Variants in CPQ observed in about 807,000 individuals in gnomAD.
CPQ encodes Ser-Met dipeptidase.
In CPQ, 37 loss-of-function variants were observed where a neutral mutation model predicts 45.7. That is an observed-to-expected ratio of 0.81 (90% confidence interval 0.62 to 1.07). The LOEUF (loss-of-function observed/expected upper bound fraction) is 1.07, where lower values mean the gene tolerates loss of function less well. CPQ is among the 50% of genes least tolerant of loss of function. CPQ has a pLI of 0.00. For missense variants in CPQ, 537 were observed against 572.9 expected (o/e 0.94, Z 0.64); for synonymous variants, 186 against 205.8 (o/e 0.90, Z 0.82).
At chr8:96,970,565 C>CTTT (rs34088987) in intron 5 of CPQ, among the ~76,000 whole-genome samples, 29 of 142,300 alleles carry the variant, frequency 2.0e-4, no homozygotes, top group Non-Finnish European at 3.2e-4. Context: ...GCCCAACACT[C>CTTT]TTTTTTTTTT....
At chr8:96,966,154 C>G in intron 5 of CPQ, 108 bp downstream of exon 5, 1 of 715,014 alleles carries the variant, frequency 1.4e-6, no homozygotes, top group Non-Finnish European at 2.2e-6. Flanking sequence ...TTCAAAGATC[C>G]TCTTGAGGTC....
At chr8:96,749,875 C>G (rs2130784828) in intron 1 of CPQ, among the ~76,000 whole-genome samples, 1 of 152,152 alleles carries the variant, frequency 6.6e-6, no homozygotes, top group African/African-American at 2.4e-5. Context: ...TTCCTAATGA[C>G]ATACTCTAAT....
intron 2 of CPQ, among the ~76,000 whole-genome samples, chr8:96,825,443 G>C (rs889553640): frequency 2.0e-5 from 3 of 152,122 alleles, no homozygotes; most frequent in Admixed American, 1.3e-4. Context: ...GTTTGGTAAG[G>C]TATTTGAGCT....
intron 1 of CPQ, among the ~76,000 whole-genome samples, chr8:96,726,288 T>C (rs1809838606): frequency 6.6e-6 from 1 of 152,146 alleles, no homozygotes; most frequent in African/African-American, 2.4e-5. Flanking sequence ...TATGGATTAA[T>C]TCATTCATGA....
intron 2 of CPQ, among the ~76,000 whole-genome samples, chr8:96,820,845 G>C (rs1811293217): frequency 6.6e-6 from 1 of 151,992 alleles, no homozygotes; most frequent in African/African-American, 2.4e-5. Context: ...AGAATTACTG[G>C]ATCATATGGT....
At chr8:96,992,217 G>A (rs921948157) in intron 5 of CPQ, among the ~76,000 whole-genome samples, 2 of 152,146 alleles carry the variant, frequency 1.3e-5, no homozygotes, top group Non-Finnish European at 2.9e-5. Context: ...AATTCCAATG[G>A]TACTGTACTA....
At chr8:96,905,063 A>G (rs985706657) in intron 4 of CPQ, among the ~76,000 whole-genome samples, 6 of 152,124 alleles carry the variant, frequency 3.9e-5, no homozygotes, top group Admixed American at 1.3e-4. Flanking sequence ...AAGAAGTTTA[A>G]TGGACTCTTA....
intron 6 of CPQ, among the ~76,000 whole-genome samples, chr8:97,037,229 T>A (rs1386866387): frequency 1.3e-5 from 2 of 152,238 alleles, no homozygotes; most frequent in Non-Finnish European, 2.9e-5. Flanking sequence ...TTTTGAGACT[T>A]CTTCGTGCTA....
intron 4 of CPQ, among the ~76,000 whole-genome samples, chr8:96,919,690 A>G (rs536245270): frequency 1.3e-5 from 2 of 152,308 alleles, no homozygotes; most frequent in East Asian, 3.9e-4. Flanking sequence ...TACTTCAATT[A>G]GGGAGGTTCC....
intron 6 of CPQ, 28 bp from the exon 7 acceptor site, chr8:97,065,981 G>T: frequency 6.2e-7 from 1 of 1,605,708 alleles, no homozygotes; most frequent in South Asian, 1.1e-5. Context: ...CAACAGATAA[G>T]AACCAAACAA....
chr8:96,804,828 A>G (rs916065962), intron 2 of CPQ, among the ~76,000 whole-genome samples: 1 of 151,824 alleles, frequency 6.6e-6, no homozygotes, highest in Non-Finnish European at 1.5e-5. Flanking sequence ...TTAAGTTCAC[A>G]CTGCCGTATT....
chr8:96,821,126 ATTTTT>A (rs572906188), intron 2 of CPQ, among the ~76,000 whole-genome samples: 2 of 60,934 alleles, frequency 3.3e-5, no homozygotes, highest in Non-Finnish European at 5.9e-5. Context: ...TTTAATCTGA[ATTTTT>A]TTTTTTTTTT....
At chr8:97,076,256 C>T (rs966655002) in intron 7 of CPQ, among the ~76,000 whole-genome samples, 12 of 151,792 alleles carry the variant, frequency 7.9e-5, no homozygotes, top group African/African-American at 1.9e-4. Flanking sequence ...GAACACCTGA[C>T]GTCGTGATCC....
At chr8:96,877,578 A>G (rs4317538) in intron 3 of CPQ, among the ~76,000 whole-genome samples, 6,040 of 152,294 alleles carry the variant, frequency 0.04, 198 homozygotes, top group African/African-American at 0.082. Flanking sequence ...TCACTCCACT[A>G]GCTCAGTGGG....
chr8:96,669,430 A>G (rs1312667585), intron 1 of CPQ, among the ~76,000 whole-genome samples: 1 of 152,158 alleles, frequency 6.6e-6, no homozygotes, highest in East Asian at 1.9e-4. Flanking sequence ...TCTGGCATTG[A>G]TGAGGCAGTG....
At chr8:96,976,247 CAAAAAAAAAAA>C (rs55864086) in intron 5 of CPQ, among the ~76,000 whole-genome samples, 35 of 60,852 alleles carry the variant, frequency 5.8e-4, no homozygotes, top group African/African-American at 2.0e-3. Context: ...CAATAGCTGA[CAAAAAAAAAAA>C]AAAAAAAAAA....
At chr8:96,983,387 G>A (rs760770038) in intron 5 of CPQ, among the ~76,000 whole-genome samples, 4 of 152,170 alleles carry the variant, frequency 2.6e-5, no homozygotes, top group Non-Finnish European at 4.4e-5. Context: ...CCAAAATAGA[G>A]AGTTATTACT....
At chr8:96,783,260 A>AGTGTGTGT (rs71267280) in intron 1 of CPQ, among the ~76,000 whole-genome samples, 2 of 147,906 alleles carry the variant, frequency 1.4e-5, no homozygotes, top group Non-Finnish European at 1.5e-5. Flanking sequence ...TAGTTGTGTG[A>AGTGTGTGT]GTGTGTGTGT....
intron 4 of CPQ, among the ~76,000 whole-genome samples, chr8:96,959,032 AG>A (rs1813406496): frequency 6.6e-6 from 1 of 152,114 alleles, no homozygotes; most frequent in African/African-American, 2.4e-5. Context: ...TAGACCACCT[AG>A]TCAGAATCAT....
Sources: allele counts gnomAD v4.1 joint callset (sites outside exome capture counted in the v4.1 genomes callset), GRCh38; gene constraint gnomAD v4.1.1; transcripts MANE v1.5; gene names NCBI Gene and HGNC (gene_info 2026-07-23, HGNC 2026-07-21).